The following BSG variants were observed in gnomAD, a reference collection of about 807,000 sequenced individuals.
BSG encodes the protein basigin.
BSG carries 37 observed loss-of-function variants against 43.1 expected under a neutral mutation model. The ratio of observed to expected loss-of-function variants is 0.86; its 90% CI spans 0.66 to 1.13. The LOEUF is 1.13. Ranked by LOEUF, BSG falls within the 50% of genes most tolerant of loss-of-function variation. The pLI is 0.00. For synonymous variants in BSG, 309 were observed against 238.7 expected (o/e 1.29, Z -2.72); for missense variants, 599 against 554.2 (o/e 1.08, Z -0.81).
chr19:572,250 C>A, upstream of BSG: 1 of 380,052 alleles, frequency 2.6e-6, no homozygotes, highest in Non-Finnish European at 3.6e-6. Context: ...GTGTTTAACT[C>A]AGATAAAATC....
chr19:572,441 C>G (rs1407128283), upstream of BSG: 40 of 1,143,890 alleles, frequency 3.5e-5, no homozygotes, highest in Non-Finnish European at 3.9e-5. Flanking sequence ...CGTGAGCCTG[C>G]CGGAGCCGGC....
In BSG at chr19:583,457, A is replaced by G. The variant is rs1230109894; in HGVS notation, c.*713A>G. ...TCACGTGGGAACCCCCCTCCCACCCACCGCCACAATAAAGATCGCCCCCAC... is the reference window on the plus strand; with the variant it reads ...TCACGTGGGAACCCCCCTCCCACCCGCCGCCACAATAAAGATCGCCCCCAC... On this transcript the variant is annotated 3_prime_UTR_variant, in exon 9 of 9. Transcript: ENST00000333511. The G allele has an allele frequency of 9.9e-6, 1 of 100,766 alleles. No individual in the cohort carries two copies. Among genetic ancestry groups the G allele is most frequent in the Non-Finnish European group, 2.1e-5 (1 of 46,928 alleles). The allele number at this position is 100,766 out of a possible 1,614,324, so 6.2% of individuals were successfully genotyped here. A position where few individuals can be genotyped will look rare whatever the true frequency, so the allele number is the denominator to read the frequency against.
At position 576,120 on chromosome 19, in the gene BSG, G is replaced by A. The variant is rs932047753; in HGVS notation, c.68-1654G>A. Among the ~76,000 whole-genome samples, 9 of 152,336 alleles carry A rather than the reference G, an allele frequency of 5.9e-5. No homozygotes were observed. In the South Asian group the frequency reaches 6.2e-4, roughly 11 times the overall value. Reference sequence around the variant, plus strand: ...CGGTGCAGATGGCGCCTGGGAGCCCGGGACTCCTGGAAAGGTGGCTGGGGG... The same window carrying A: ...CGGTGCAGATGGCGCCTGGGAGCCCAGGACTCCTGGAAAGGTGGCTGGGGG... On this transcript the variant is annotated intron_variant, in intron 1 of 8. Transcript: ENST00000333511.
chr19:582,655 G>T, intron 8 of BSG, 73 bp downstream of exon 8: 1 of 1,420,548 alleles, frequency 7.0e-7, no homozygotes. Flanking sequence ...GCCAGGTGTG[G>T]TGGGCGGGAT....
At chr19:572,595 C>A (rs869216255), upstream of BSG, 1 of 1,451,278 alleles carries the variant, frequency 6.9e-7, no homozygotes. Context: ...GCGGCGGCGG[C>A]AGCGGTTGGA....
intron 1 of BSG, among the ~76,000 whole-genome samples, chr19:576,633 C>CACCTGT (rs1981794604): frequency 6.6e-6 from 1 of 152,084 alleles, no homozygotes; most frequent in African/African-American, 2.4e-5. Context: ...TGGTGGCAGG[C>CACCTGT]ACCTGTAATC....
chr19:574,052 C>T (rs971161697), intron 1 of BSG, among the ~76,000 whole-genome samples: 6 of 149,614 alleles, frequency 4.0e-5, no homozygotes, highest in Non-Finnish European at 8.9e-5. Flanking sequence ...GTCAGGAGTT[C>T]AAGACCAGCC....
Position 582,601 on chromosome 19 carries a change from C to A in BSG, c.*5+19C>A. ...GAGGCAGGTGCGGTGGGCGGGAGCT[C>A]CTCCTGAGCCAGGTGTGGTGGGTGG... On this transcript the variant is annotated intron_variant, in intron 8 of 8. Transcript: ENST00000333511. 2.9e-6 allele frequency: 3 copies of A among 1,043,276 alleles called. No individual in the cohort carries two copies. Among genetic ancestry groups the A allele is most frequent in the Non-Finnish European group, 4.0e-6 (3 of 757,520 alleles). 64.6% of individuals were successfully genotyped at this position (1,043,276 alleles called of 1,614,324 possible).
chr19:573,102 C>A (rs2145884328), intron 1 of BSG, among the ~76,000 whole-genome samples: 1 of 152,236 alleles, frequency 6.6e-6, no homozygotes, highest in Non-Finnish European at 1.5e-5. Context: ...TCTGCGAAGG[C>A]GGTTGGAGGT....
At chr19:575,592 C>T (rs953744219) in intron 1 of BSG, among the ~76,000 whole-genome samples, 1 of 77,372 alleles carries the variant, frequency 1.3e-5, no homozygotes, top group African/African-American at 5.2e-5. Context: ...TGGCTGCTGT[C>T]TGAGCACTGG....
In BSG at chr19:577,920, G is replaced by T. The variant is rs1568350085; in HGVS notation, c.214G>T (p.Asp72Tyr). ...CAACGACACCTGCTCCCAGCTCTGG[G>T]ACGGCGCCCGGCTGGACCGCGTCCA... is the stretch of plus-strand genomic sequence containing the variant. ...GPNDTCSQLW[D>Y]GARLDRVHIH... The change falls in exon 2 of 9, where the codon GAC (aspartate) becomes TAC (tyrosine). Residue 72 changes from aspartate to tyrosine, a missense_variant. By Grantham distance (160) the Asp-to-Tyr change is radical. Transcript: ENST00000333511. 6.2e-7 allele frequency: 1 copy of T among 1,603,140 alleles called. No homozygotes were observed. The highest frequency in any genetic ancestry group is 2.2e-5 in the East Asian group (1 of 44,582).
At position 578,013 on chromosome 19, in the gene BSG, A is replaced by G. The variant is rs1981931629; in HGVS notation, c.307A>G (p.Thr103Ala). 2 of 1,611,936 alleles carry G rather than the reference A, an allele frequency of 1.2e-6. No individual in the cohort carries two copies. The highest frequency in any genetic ancestry group is 2.2e-5 in the East Asian group (1 of 44,856). Reference protein sequence around the residue: ...ISIDTLVEEDTGTYECRASND... With the variant: ...ISIDTLVEEDAGTYECRASND... ...CATCGACACGCTCGTGGAGGAGGAC[A>G]CGGGCACTTACGAGTGCCGGGCCAG... Residue 103 changes from threonine (T) to alanine (A), a missense_variant, in exon 2 of 9, where the codon ACG becomes GCG. Physicochemically the swap from Thr to Ala is moderately conservative, Grantham distance 58 (BLOSUM62 0). Transcript: ENST00000333511.
chr19:571,304 C>T (rs553928867), upstream of BSG: 11 of 586,802 alleles, frequency 1.9e-5, no homozygotes, highest in Non-Finnish European at 3.3e-5. Flanking sequence ...ATTCCTGCCC[C>T]TTTCCAGTTA....
intron 1 of BSG, 124 bp from the exon 2 acceptor site, chr19:577,650 A>G: frequency 1.3e-6 from 1 of 778,178 alleles, no homozygotes; most frequent in Non-Finnish European, 1.8e-6. Flanking sequence ...CTCTCCCACA[A>G]GCTGAAAGGA....
At chr19:576,962 T>TGTG (rs1568349198) in intron 1 of BSG, among the ~76,000 whole-genome samples, 3 of 151,346 alleles carry the variant, frequency 2.0e-5, no homozygotes, top group South Asian at 2.1e-4. Flanking sequence ...ACGTGTGTCC[T>TGTG]TGTGTGTGTG....
intron 1 of BSG, 43 bp from the exon 2 acceptor site, chr19:577,731 T>G: frequency 1.5e-6 from 2 of 1,327,276 alleles, no homozygotes; most frequent in Non-Finnish European, 1.9e-6. Flanking sequence ...CCCTCCCAAG[T>G]GCCCCAGGCA....
chr19:573,880 CG>C (rs1461234591), intron 1 of BSG, among the ~76,000 whole-genome samples: 3 of 152,134 alleles, frequency 2.0e-5, no homozygotes, highest in Non-Finnish European at 4.4e-5. Flanking sequence ...TGTGTTTTTC[CG>C]GGAGAAAAGC....
intron 1 of BSG, among the ~76,000 whole-genome samples, chr19:573,655 C>G (rs548575225): frequency 3.3e-4 from 51 of 152,310 alleles, no homozygotes; most frequent in African/African-American, 1.2e-3. Context: ...AACGCCCCTC[C>G]TCCTTTACAG....
At chr19:581,807 G>C (rs776637339) in intron 6 of BSG, among the ~76,000 whole-genome samples, 3 of 152,242 alleles carry the variant, frequency 2.0e-5, no homozygotes, top group Non-Finnish European at 2.9e-5. Context: ...AGGAGGAGGC[G>C]GCACCTCCGC....
Sources: allele counts gnomAD v4.1 joint callset (sites outside exome capture counted in the v4.1 genomes callset), GRCh38; gene constraint gnomAD v4.1.1; transcripts MANE v1.5; gene names NCBI Gene and HGNC (gene_info 2026-07-23, HGNC 2026-07-21).